Variants in USP10 observed in about 807,000 individuals in gnomAD.
The protein encoded by USP10 is ubiquitin carboxyl-terminal hydrolase 10.
A neutral mutation model predicts 84.5 loss-of-function variants in USP10; 22 were observed. The ratio of observed to expected loss-of-function variants is 0.26; its 90% CI spans 0.19 to 0.37. USP10 has a LOEUF of 0.37. USP10 is among the 10% of genes least tolerant of loss of function. The pLI is 1.00. For synonymous variants in USP10, 454 were observed against 387.6 expected, an observed-to-expected ratio of 1.17 and a Z score of -2.01; for missense variants, 1,019 against 998.9, an observed-to-expected ratio of 1.02 and a Z score of -0.27.
At chr16:84,700,399 G>C (rs2150745075) in intron 1 of USP10, among the ~76,000 whole-genome samples, 1 of 152,092 alleles carries the variant, frequency 6.6e-6, no homozygotes, top group Admixed American at 6.5e-5. Context: ...AACCTCCCTG[G>C]GGCTGGACCG....
intron 10 of USP10, among the ~76,000 whole-genome samples, chr16:84,765,016 A>G (rs985514381): frequency 6.6e-6 from 1 of 150,748 alleles, no homozygotes; most frequent in East Asian, 1.9e-4. Flanking sequence ...CAGAGGTTGC[A>G]GTGAGCCAAG....
At position 84,764,199 on chromosome 16, in the gene USP10, T is replaced by TC. The variant is rs1913556990; in HGVS notation, c.1770dup (p.Val591ArgfsTer78). On this transcript the variant is annotated frameshift_variant, in exon 10 of 14. Transcript: ENST00000219473. LOFTEE classifies it high-confidence loss of function. ...ACAAGTGGGCCCCCGGAACAAGACTTCCGTCACCCGCCAGGCGGATTTTGT... is the reference window on the plus strand; with the variant it reads ...ACAAGTGGGCCCCCGGAACAAGACTTCCCGTCACCCGCCAGGCGGATTTTGT... 6.2e-7 allele frequency: 1 copy of TC among 1,613,910 alleles called. No homozygotes were observed. The highest frequency in any genetic ancestry group is 8.5e-7 in the Non-Finnish European group (1 of 1,179,898).
intron 9 of USP10, 74 bp from the exon 10 acceptor site, chr16:84,764,012 G>A: frequency 2.7e-6 from 4 of 1,485,170 alleles, no homozygotes; most frequent in African/African-American, 1.4e-5. Flanking sequence ...AACTGCAATC[G>A]ACAGATCTGT....
intron 1 of USP10, among the ~76,000 whole-genome samples, chr16:84,726,823 C>G (rs750414870): frequency 3.3e-5 from 5 of 152,238 alleles, no homozygotes; most frequent in Non-Finnish European, 5.9e-5. Flanking sequence ...TCCCCCGAAT[C>G]GCAGGCATTT....
At chr16:84,705,387 A>G (rs1304982943) in intron 1 of USP10, among the ~76,000 whole-genome samples, 1 of 151,982 alleles carries the variant, frequency 6.6e-6, no homozygotes, top group Non-Finnish European at 1.5e-5. Context: ...ACCCGCCACC[A>G]TGCCCAGCTA....
intron 12 of USP10, among the ~76,000 whole-genome samples, chr16:84,773,439 C>T (rs137951408): frequency 2.2e-4 from 34 of 152,216 alleles, no homozygotes; most frequent in African/African-American, 7.5e-4. Flanking sequence ...ACAGCAACCC[C>T]ACCTCATACC....
intron 10 of USP10, among the ~76,000 whole-genome samples, chr16:84,767,098 T>A (rs376293643): frequency 6.6e-6 from 1 of 152,194 alleles, no homozygotes; most frequent in African/African-American, 2.4e-5. Flanking sequence ...CTTCAAACTG[T>A]AAAGGAGCAT....
In USP10 at chr16:84,702,993, C is replaced by CAAAAA. The variant is rs1157728872; in HGVS notation, c.21+2898_21+2902dup. Among the ~76,000 whole-genome samples, 140 of 52,168 alleles carry CAAAAA rather than the reference C, an allele frequency of 2.7e-3. 4 individuals carry two copies. The highest frequency in any genetic ancestry group is 0.01 in the African/African-American group (118 of 11,672). 34.2% of individuals were successfully genotyped at this position (52,168 alleles called of 152,430 possible). On this transcript the variant is annotated intron_variant, in intron 1 of 13. Coordinates refer to ENST00000219473, the MANE Select transcript of USP10 (RefSeq NM_005153.3). ...GGGCGACAGAGCAAGACTCCCGTCT[C>CAAAAA]AAAAAAAAAAAAAAAAAAAAGAGCG...
intron 1 of USP10, among the ~76,000 whole-genome samples, chr16:84,709,827 A>G (rs146243455): frequency 2.0e-5 from 3 of 152,318 alleles, no homozygotes; most frequent in Non-Finnish European, 4.4e-5. Flanking sequence ...AACTGTCTCA[A>G]AGCCTGCAGC....
At chr16:84,753,739 T>C (rs765809564) in intron 4 of USP10, among the ~76,000 whole-genome samples, 5 of 152,250 alleles carry the variant, frequency 3.3e-5, no homozygotes, top group Non-Finnish European at 5.9e-5. Context: ...CTAACAAATA[T>C]GAGTGGAGTC....
At chr16:84,766,454 C>T (rs1187505704) in intron 10 of USP10, among the ~76,000 whole-genome samples, 1 of 152,188 alleles carries the variant, frequency 6.6e-6, no homozygotes, top group Non-Finnish European at 1.5e-5. Context: ...GGTTGGCGCG[C>T]AGCAGCGAGG....
intron 1 of USP10, among the ~76,000 whole-genome samples, chr16:84,719,989 C>G (rs1353501848): frequency 2.0e-5 from 3 of 152,182 alleles, no homozygotes; most frequent in African/African-American, 4.8e-5. Context: ...ACCAAACCTT[C>G]TAAGTAACTT....
intron 4 of USP10, among the ~76,000 whole-genome samples, chr16:84,752,804 T>C (rs184024163): frequency 1.9e-3 from 283 of 152,286 alleles, no homozygotes; most frequent in African/African-American, 6.1e-3. Context: ...GTTATCGAAA[T>C]GAGTCAGGAT....
At chr16:84,776,239 G>T (rs529149920) in intron 13 of USP10, among the ~76,000 whole-genome samples, 1 of 152,236 alleles carries the variant, frequency 6.6e-6, no homozygotes, top group African/African-American at 2.4e-5. Flanking sequence ...CTCAGCTCAC[G>T]CCCGATGTTT....
At chr16:84,704,682 G>A in intron 1 of USP10, 1 of 1,466,192 alleles carries the variant, frequency 6.8e-7, no homozygotes, top group Non-Finnish European at 9.0e-7. Flanking sequence ...AAACCTCGAT[G>A]TAGAATCTTC....
chr16:84,774,670 C>CCA (rs1567655143), intron 12 of USP10, among the ~76,000 whole-genome samples: 1 of 152,068 alleles, frequency 6.6e-6, no homozygotes, highest in Non-Finnish European at 1.5e-5. Context: ...CGTGGTTTCA[C>CCA]TGTATTAGCC....
At chr16:84,705,445 A>G (rs1442235164) in intron 1 of USP10, among the ~76,000 whole-genome samples, 1 of 151,712 alleles carries the variant, frequency 6.6e-6, no homozygotes, top group African/African-American at 2.4e-5. Context: ...GTTAGCCAGG[A>G]TGGTCTCCAT....
At position 84,760,283 on chromosome 16, in the gene USP10, A is replaced by G. The variant is rs762280236; in HGVS notation, c.1554+8A>G. The stretch of plus-strand genomic sequence containing the variant: ...TCAAGCCTGTCTGAAAAGGTTTGAG[A>G]CTTCTCTGTTGTCACTAGTATCAAG... On this transcript the variant is annotated splice_region_variant and intron_variant, in intron 8 of 13. Transcript: ENST00000219473. 1 of 1,592,176 alleles carries G rather than the reference A, an allele frequency of 6.3e-7. No homozygotes were observed.
chr16:84,748,080 G>A (rs575281582), intron 4 of USP10, among the ~76,000 whole-genome samples: 62 of 148,386 alleles, frequency 4.2e-4, no homozygotes, highest in African/African-American at 1.2e-3. Context: ...CGTGAACCTG[G>A]GAGGCGGAGC....
Sources: allele counts gnomAD v4.1 joint callset (sites outside exome capture counted in the v4.1 genomes callset), GRCh38; gene constraint gnomAD v4.1.1; transcripts MANE v1.5; gene names NCBI Gene and HGNC (gene_info 2026-07-23, HGNC 2026-07-21).